VPS13B: variants seen among roughly 807,000 people sequenced by gnomAD.
The protein encoded by VPS13B is intermembrane lipid transfer protein VPS13B.
Under a neutral mutation model 426.4 loss-of-function variants are expected in VPS13B, and 285 were observed. That is an observed-to-expected ratio of 0.67 (90% CI 0.61 to 0.74). The LOEUF is 0.74. VPS13B is among the 30% of genes least tolerant of loss of function. VPS13B has a pLI of 0.00. For synonymous variants in VPS13B, 1,676 were observed against 1,676.4 expected (o/e 1.00, Z 0.01); for missense variants, 4,537 against 4,782.6 (o/e 0.95, Z 1.51).
intron 54 of VPS13B, among the ~76,000 whole-genome samples, chr8:99,848,226 C>T (rs955319495): frequency 4.6e-5 from 7 of 152,210 alleles, no homozygotes; most frequent in African/African-American, 7.2e-5. Context: ...TTTTTTACTC[C>T]GAGCAAATTA....
chr8:99,781,142 A>G (rs1471013919), intron 42 of VPS13B, among the ~76,000 whole-genome samples: 1 of 152,190 alleles, frequency 6.6e-6, no homozygotes, highest in Non-Finnish European at 1.5e-5. Context: ...TCATAAGTTC[A>G]AGATTAACAG....
intron 23 of VPS13B, among the ~76,000 whole-genome samples, chr8:99,466,607 T>C (rs1819125658): frequency 6.6e-6 from 1 of 152,134 alleles, no homozygotes; most frequent in African/African-American, 2.4e-5. Context: ...CAGTAAAAGC[T>C]CAAAGTATAA....
chr8:99,110,792 A>C (rs1419151303), intron 5 of VPS13B, among the ~76,000 whole-genome samples: 1 of 151,772 alleles, frequency 6.6e-6, no homozygotes, highest in African/African-American at 2.4e-5. Context: ...ACTGTAGTGA[A>C]ATTTTTCATA....
chr8:99,811,543 T>C (rs1436061162), intron 44 of VPS13B, among the ~76,000 whole-genome samples: 1 of 152,206 alleles, frequency 6.6e-6, no homozygotes, highest in Non-Finnish European at 1.5e-5. Context: ...CTGCTGATGC[T>C]GCTGGTCCAG....
At chr8:99,221,555 C>T (rs919931570) in intron 17 of VPS13B, among the ~76,000 whole-genome samples, 5 of 152,138 alleles carry the variant, frequency 3.3e-5, no homozygotes, top group Non-Finnish European at 5.9e-5. Context: ...TTCTGTTACA[C>T]AGAAAAAAAC....
At chr8:99,015,458 C>A (rs959042850) in intron 2 of VPS13B, among the ~76,000 whole-genome samples, 1 of 151,132 alleles carries the variant, frequency 6.6e-6, no homozygotes, top group African/African-American at 2.4e-5. Context: ...CCTCATGATC[C>A]GCCCGCCTCA....
At chr8:99,684,666 G>A (rs1831306414) in intron 35 of VPS13B, among the ~76,000 whole-genome samples, 1 of 152,106 alleles carries the variant, frequency 6.6e-6, no homozygotes, top group African/African-American at 2.4e-5. Flanking sequence ...TTTTATAGCT[G>A]GTTTATTGCC....
rs1814357721 is a variant in VPS13B, at chr8:99,821,339, C to T, written c.9040C>T (p.His3014Tyr). The change falls in exon 50 of 62, where the codon CAC becomes TAC. Residue 3014 changes from histidine (H) to tyrosine (Y), a missense_variant. By Grantham distance (83) the His-to-Tyr change is moderately conservative. Coordinates refer to ENST00000357162, the MANE Select transcript of VPS13B (RefSeq NM_152564.5). ...GIYWANTNTV[H>Y]KSVAIKLVHN... is the part of the protein sequence containing the mutation. ...ATACTGGGCAAATACAAACACTGTG[C>T]ACAAGTCAGTAGCAATTAAACTGGT... is the stretch of plus-strand genomic sequence containing the variant. The T allele has an allele frequency of 6.2e-7, 1 of 1,613,728 alleles. No homozygotes were observed. The highest frequency in any genetic ancestry group is 8.5e-7 in the Non-Finnish European group (1 of 1,179,790).
intron 33 of VPS13B, among the ~76,000 whole-genome samples, chr8:99,586,433 A>G (rs2133828196): frequency 6.6e-6 from 1 of 152,314 alleles, no homozygotes; most frequent in Middle Eastern, 3.4e-3. Flanking sequence ...TTTATAGAAG[A>G]GGAAGATTCA....
intron 37 of VPS13B, 64 bp from the exon 38 acceptor site, chr8:99,720,281 A>G: frequency 2.4e-6 from 3 of 1,263,486 alleles, no homozygotes; most frequent in South Asian, 2.5e-5. Flanking sequence ...ATATGATTAT[A>G]CCTAATTAGT....
intron 27 of VPS13B, among the ~76,000 whole-genome samples, 196 bp downstream of exon 27, chr8:99,503,146 G>A (rs1821328312): frequency 6.6e-6 from 1 of 152,122 alleles, no homozygotes; most frequent in Non-Finnish European, 1.5e-5. Context: ...GAAATTGTTT[G>A]GTTTCTCAGT....
rs577491612 is a variant in VPS13B at position 99,355,916 on chromosome 8, A to G, written c.2825-28292A>G. ...TTGTTTTATTTCTCTATTAACTACT[A>G]TATTGTTAGTGCTTGGCATAGAGTT... On this transcript the variant is annotated intron_variant, in intron 19 of 61. Transcript: ENST00000357162. Among the ~76,000 whole-genome samples the G allele has an allele frequency of 3.5e-4, 54 of 152,194 alleles. 3 individuals carry two copies. The South Asian group carries it at 5.8e-3, about 16-fold the overall frequency.
At chr8:99,635,306 G>T (rs1371307825) in intron 33 of VPS13B, among the ~76,000 whole-genome samples, 1 of 151,892 alleles carries the variant, frequency 6.6e-6, no homozygotes, top group Non-Finnish European at 1.5e-5. Flanking sequence ...TTGTCACTTT[G>T]ATTCTGTGGT....
chr8:99,633,836 T>TGTGTGTGTGTGTGTGTGTGTGC (rs1432874227), intron 33 of VPS13B, among the ~76,000 whole-genome samples: 7 of 151,334 alleles, frequency 4.6e-5, no homozygotes, highest in African/African-American at 1.7e-4. Flanking sequence ...TGTGTGTGTG[T>TGTGTGTGTGTGTGTGTGTGTGC]GTGCGTGTTT....
intron 33 of VPS13B, among the ~76,000 whole-genome samples, chr8:99,606,508 A>G (rs537278271): frequency 2.7e-5 from 4 of 150,364 alleles, no homozygotes; most frequent in South Asian, 2.1e-4. Flanking sequence ...CAAAAAAAAA[A>G]AAAAAAGAAA....
intron 25 of VPS13B, among the ~76,000 whole-genome samples, chr8:99,494,985 T>A (rs1046950482): frequency 6.6e-6 from 1 of 152,074 alleles, no homozygotes; most frequent in Non-Finnish European, 1.5e-5. Context: ...AGATTACAAA[T>A]AAAATGATTC....
intron 17 of VPS13B, among the ~76,000 whole-genome samples, chr8:99,205,125 C>T (rs778740199): frequency 1.2e-4 from 19 of 152,240 alleles, no homozygotes; most frequent in Middle Eastern, 3.4e-3. Context: ...CAGTGATAGA[C>T]TGGATAAAGA....
chr8:99,696,883 C>T (rs1832031438), intron 35 of VPS13B: 4 of 798,720 alleles, frequency 5.0e-6, no homozygotes, highest in Non-Finnish European at 9.1e-6. Context: ...TCAACAACTT[C>T]TGCGGTTCCA....
rs1554877591 is a variant in VPS13B, at chr8:99,623,994, C to CATACATATATATATATATATAT, written c.5221-17814_5221-17813insCATATATATATATATATATATA. On this transcript the variant is annotated intron_variant, in intron 33 of 61. Transcript: ENST00000357162. ...GTAAAGGCTATGTCTATGAAACATA[C>CATACATATATATATATATATAT]ATATATATATATATTTTTTTTTTTT... 1.6e-3 allele frequency among the ~76,000 whole-genome samples: 86 copies of CATACATATATATATATATATAT among 53,932 alleles called. 2 individuals carry two copies. Among genetic ancestry groups the CATACATATATATATATATATAT allele is most frequent in the Admixed American group, 7.2e-3 (21 of 2,902 alleles). 35.4% of individuals were successfully genotyped at this position (53,932 alleles called of 152,430 possible).
Sources: gnomAD v4.1 joint callset for allele counts (sites outside exome capture counted in the v4.1 genomes callset) on GRCh38, gnomAD v4.1.1 for gene constraint, MANE v1.5 for transcripts, NCBI Gene and HGNC (gene_info 2026-07-23, HGNC 2026-07-21) for gene names.